NOL9: variants seen among roughly 807,000 people sequenced by gnomAD.
NOL9 encodes the protein polynucleotide 5'-hydroxyl-kinase NOL9.
NOL9 carries 28 observed loss-of-function variants against 67.9 expected under a neutral mutation model. That is an observed-to-expected ratio of 0.41 (90% CI 0.31 to 0.57). The LOEUF (loss-of-function observed/expected upper bound fraction) is 0.57, where lower values mean the gene tolerates loss of function less well. NOL9 is among the 20% of genes least tolerant of loss of function. The pLI is 0.25. For synonymous variants in NOL9, 356 were observed against 352.2 expected (o/e 1.01, Z -0.12); for missense variants, 777 against 897.0 (o/e 0.87, Z 1.71).
intron 3 of NOL9, among the ~76,000 whole-genome samples, 154 bp from the exon 4 acceptor site, chr1:6,545,334 G>A (rs1429804088): frequency 6.6e-6 from 1 of 152,102 alleles, no homozygotes; most frequent in Non-Finnish European, 1.5e-5. Flanking sequence ...AACAAGTGTT[G>A]CCAACTGTAT....
At chr1:6,554,069 C>T in intron 1 of NOL9, 38 bp downstream of exon 1, 4 of 1,492,692 alleles carry the variant, frequency 2.7e-6, no homozygotes, top group Non-Finnish European at 3.6e-6. Flanking sequence ...TCCAGCCCTC[C>T]CTGCCCTCGG....
intron 9 of NOL9, 66 bp downstream of exon 9, chr1:6,531,902 A>G: frequency 5.6e-6 from 7 of 1,249,008 alleles, no homozygotes; most frequent in Non-Finnish European, 8.3e-6. Flanking sequence ...GAGAGCGCCC[A>G]GCACACAGAA....
chr1:6,549,481 GT>G, intron 3 of NOL9, 89 bp downstream of exon 3: 1 of 1,460,788 alleles, frequency 6.8e-7, no homozygotes, highest in Admixed American at 2.1e-5. Flanking sequence ...TAGACCAACT[GT>G]TCTTCCAAGA....
intron 10 of NOL9, among the ~76,000 whole-genome samples, chr1:6,528,059 CTT>C (rs1638931266): frequency 6.6e-6 from 1 of 152,172 alleles, no homozygotes; most frequent in Non-Finnish European, 1.5e-5. Context: ...TGTGAAAATG[CTT>C]TTGAGAAATA....
intron 6 of NOL9, among the ~76,000 whole-genome samples, chr1:6,534,491 C>T (rs1046519637): frequency 1.3e-5 from 2 of 152,090 alleles, no homozygotes; most frequent in Non-Finnish European, 2.9e-5. Context: ...TGCAGCAAGG[C>T]CACTCAACCG....
intron 1 of NOL9, among the ~76,000 whole-genome samples, chr1:6,553,251 C>T (rs1016319050): frequency 3.3e-5 from 5 of 152,336 alleles, no homozygotes; most frequent in Admixed American, 3.3e-4. Context: ...CTTGCCAAGT[C>T]TCTTCCAGAA....
chr1:6,541,010 C>A (rs1453676250), intron 6 of NOL9: 2 of 123,092 alleles, frequency 1.6e-5, no homozygotes, highest in African/African-American at 6.1e-5. Flanking sequence ...TGGTTAACAG[C>A]GTTTTTTTTT....
At chr1:6,529,747 G>GAA (rs977760650) in intron 9 of NOL9, among the ~76,000 whole-genome samples, 46 of 151,918 alleles carry the variant, frequency 3.0e-4, no homozygotes, top group Non-Finnish European at 4.3e-4. Flanking sequence ...CCAACATGGC[G>GAA]AAACCCTGTC....
At chr1:6,551,362 T>C (rs1639539480) in intron 1 of NOL9, among the ~76,000 whole-genome samples, 1 of 151,808 alleles carries the variant, frequency 6.6e-6, no homozygotes, top group African/African-American at 2.4e-5. Context: ...GGGGGATCAC[T>C]TGAGTGAGGC....
intron 2 of NOL9, 115 bp from the exon 3 acceptor site, chr1:6,549,813 T>A (rs765149343): frequency 7.8e-7 from 1 of 1,279,418 alleles, no homozygotes; most frequent in Non-Finnish European, 1.1e-6. Context: ...GGAATTACGG[T>A]TGAGAGCCTT....
chr1:6,533,335 G>A lies in NOL9; in HGVS notation c.1182C>T (p.Phe394=), dbSNP rs752367303. The A allele has an allele frequency of 6.2e-7, 1 of 1,613,148 alleles. No homozygotes were observed. Among genetic ancestry groups the A allele is most frequent in the Non-Finnish European group, 8.5e-7 (1 of 1,179,480 alleles). The change falls in exon 7 of 12, where the codon TTC becomes TTT. Residue 394 remains phenylalanine (F), a synonymous_variant. Transcript: ENST00000377705. ...GAGGGGACTCTCTCTTGTAAGCGCT[G>A]AACACATATTTCACTATGTCAATAT... ...ENYIDIVKYV[F]SAYKRESPLI...
chr1:6,529,664 G>A (rs763357986), intron 9 of NOL9, among the ~76,000 whole-genome samples: 1 of 152,240 alleles, frequency 6.6e-6, no homozygotes, highest in South Asian at 2.1e-4. Context: ...AGTGGCTCAC[G>A]CCTGTAATCT....
At chr1:6,552,888 T>G (rs1639573307) in intron 1 of NOL9, among the ~76,000 whole-genome samples, 1 of 145,634 alleles carries the variant, frequency 6.9e-6, no homozygotes, top group East Asian at 2.1e-4. Flanking sequence ...CTTGGCTCAC[T>G]GCAACCTCCA....
At chr1:6,548,621 T>TA in intron 3 of NOL9, 1 of 369,292 alleles carries the variant, frequency 2.7e-6, no homozygotes, top group Non-Finnish European at 5.3e-6. Context: ...GAAAGCTAAA[T>TA]AAAAAATGAA....
At position 6,532,558 on chromosome 1, in the gene NOL9, A is replaced by G. The variant is rs752762848; in HGVS notation, c.1440T>C (p.Phe480=). 5 of 1,614,132 alleles carry G rather than the reference A, an allele frequency of 3.1e-6. No homozygotes were observed. The highest frequency in any genetic ancestry group is 2.2e-5 in the East Asian group (1 of 44,898). The part of the protein sequence containing the change: ...RLAAFADALE[F]ADEEKESPVE... ...CTGGACTCTCTTTTTCTTCATCAGC[A>G]AATTCCAAAGCATCTGCAAATGCTG... is the stretch of plus-strand genomic sequence containing the variant. Residue 480 remains phenylalanine, a synonymous_variant, in exon 8 of 12, where the codon TTT becomes TTC. Transcript: ENST00000377705.
intron 6 of NOL9, among the ~76,000 whole-genome samples, chr1:6,540,076 C>CCCGG (rs1639243926): frequency 6.7e-6 from 1 of 149,506 alleles, no homozygotes; most frequent in South Asian, 2.1e-4. Flanking sequence ...ACCTCTCCCT[C>CCCGG]CCGGGTTCAA....
intron 6 of NOL9, among the ~76,000 whole-genome samples, chr1:6,536,558 T>G (rs1159443158): frequency 6.6e-6 from 1 of 151,634 alleles, no homozygotes; most frequent in Admixed American, 6.6e-5. Flanking sequence ...CCAGGTGCAG[T>G]GGCTCACACT....
At chr1:6,536,878 T>C (rs2148655039) in intron 6 of NOL9, among the ~76,000 whole-genome samples, 1 of 152,186 alleles carries the variant, frequency 6.6e-6, no homozygotes, top group Admixed American at 6.5e-5. Context: ...GGATCAGGCA[T>C]GGTGGCTCTG....
chr1:6,526,889 C>T (rs1638897713), intron 10 of NOL9, 60 bp from the exon 11 acceptor site: 3 of 1,508,268 alleles, frequency 2.0e-6, no homozygotes, highest in East Asian at 2.3e-5. Context: ...ACTTCTCCAT[C>T]GTTAGAAACT....
Sources: allele counts gnomAD v4.1 joint callset (sites outside exome capture counted in the v4.1 genomes callset), GRCh38; gene constraint gnomAD v4.1.1; transcripts MANE v1.5; gene names NCBI Gene and HGNC (gene_info 2026-07-23, HGNC 2026-07-21).